F7: variants seen among roughly 807,000 people sequenced by gnomAD.
F7 encodes the protein coagulation factor VII.
F7 carries 38 observed loss-of-function variants against 47.5 expected under a neutral mutation model. The ratio of observed to expected loss-of-function variants is 0.80; its 90% CI spans 0.62 to 1.05. F7 has a LOEUF of 1.05. Ranked by LOEUF, F7 falls within the 50% of genes least tolerant of loss-of-function variation. The probability of loss-of-function intolerance (pLI) is 0.00; values close to 1 mark genes in which losing one functional copy is unlikely to be tolerated. For missense variants in F7, 575 were observed against 605.4 expected (o/e 0.95, Z 0.53); for synonymous variants, 244 against 258.5 (o/e 0.94, Z 0.54).
chr13:113,106,548 G>A lies in F7; in HGVS notation c.64+643G>A, dbSNP rs9549348. Among the ~76,000 whole-genome samples, 112 of 33,220 alleles carry A rather than the reference G, an allele frequency of 3.4e-3. 18 individuals are homozygous for A. Among genetic ancestry groups the A allele is most frequent in the East Asian group, 0.029 (24 of 816 alleles). 21.8% of individuals were successfully genotyped at this position (33,220 alleles called of 152,430 possible). A position where few individuals can be genotyped will look rare whatever the true frequency, so the allele number is the denominator to read the frequency against. ...GAGGTGTGGGGGATGGGGTGTGTGG[G>A]GTGTCGGGGATGGGGCATGTGGGGT... is the stretch of plus-strand genomic sequence containing the variant. On this transcript the variant is annotated intron_variant, in intron 1 of 7. Coordinates refer to ENST00000346342, the MANE Select transcript of F7 (RefSeq NM_019616.4).
chr13:113,110,925 G>C lies in F7; in HGVS notation c.225+75G>C, dbSNP rs2036080588. The C allele has an allele frequency of 4.0e-6, 6 of 1,499,602 alleles. No homozygotes were observed. The East Asian group carries it at 1.6e-4, about 39-fold the overall frequency. 92.9% of individuals were successfully genotyped at this position (1,499,602 alleles called of 1,614,324 possible). On this transcript the variant is annotated intron_variant, in intron 2 of 7. Transcript: ENST00000346342. Reference sequence around the variant, plus strand: ...TGAACCAGGCCGCGTGGGGCCGCCTGCGTCTCTTTGGCTGCGGCTGTGGGC... The same window carrying C: ...TGAACCAGGCCGCGTGGGGCCGCCTCCGTCTCTTTGGCTGCGGCTGTGGGC...
Position 113,119,088 on chromosome 13 carries a change from A to G in F7, c.*80A>G. ...CACCAAATCCCATATATTCTTCTGC[A>G]GTTAATGGGGTAGAGGAGGGCATGG... On this transcript the variant is annotated 3_prime_UTR_variant, in exon 8 of 8. Transcript: ENST00000346342. 1.2e-6 allele frequency: 1 copy of G among 849,018 alleles called. No individual in the cohort carries two copies. Among genetic ancestry groups the G allele is most frequent in the Middle Eastern group, 3.0e-4 (1 of 3,366 alleles). The allele number at this position is 849,018 out of a possible 1,614,324, so 52.6% of individuals were successfully genotyped here. A position where few individuals can be genotyped will look rare whatever the true frequency, so the allele number is the denominator to read the frequency against.
intron 2 of F7, 126 bp downstream of exon 2, chr13:113,110,976 G>A: frequency 1.7e-6 from 2 of 1,148,594 alleles, no homozygotes; most frequent in South Asian, 1.8e-5. Flanking sequence ...GCGCCCGCGC[G>A]GCGCTTTCTG....
chr13:113,112,147 TCACCTCACACCCACAGGA>T (rs1475841871), intron 2 of F7, among the ~76,000 whole-genome samples: 2 of 117,194 alleles, frequency 1.7e-5, no homozygotes, highest in East Asian at 5.6e-4. Context: ...CACTCACAGG[TCACCTCACACCCACAGGA>T]CACCTCACAG....
At chr13:113,118,040 G>A (rs2142231146) in intron 7 of F7, among the ~76,000 whole-genome samples, 1 of 152,352 alleles carries the variant, frequency 6.6e-6, no homozygotes, top group South Asian at 2.1e-4. Context: ...AGGGCCTCAT[G>A]GGACCACCGG....
chr13:113,112,976 A>C (rs2036131845), intron 2 of F7, among the ~76,000 whole-genome samples: 1 of 148,994 alleles, frequency 6.7e-6, no homozygotes, highest in Admixed American at 6.7e-5. Flanking sequence ...CACACTTCAC[A>C]CTCACAGGTC....
Position 113,113,699 on chromosome 13 carries a change from T to G in F7, c.226-53T>G. ...TCATGGTGTGTCCAGTGCTTACCGT[T>G]GGGTGCTCTGGTGAAGGTGCATCTC... is the stretch of plus-strand genomic sequence containing the variant. On this transcript the variant is annotated intron_variant, in intron 2 of 7. Transcript: ENST00000346342. This position sits in a 1 kb window ranked among gnomAD's most constrained non-coding sequence, Gnocchi z 4.1. 1.3e-6 allele frequency: 2 copies of G among 1,562,620 alleles called. No individual in the cohort carries two copies. The highest frequency in any genetic ancestry group is 1.8e-6 in the Non-Finnish European group (2 of 1,133,090).
chr13:113,109,114 TGTGGGTGTCCCGGGGGC>T (rs1225214335), intron 1 of F7, among the ~76,000 whole-genome samples: 14 of 86,014 alleles, frequency 1.6e-4, no homozygotes, highest in African/African-American at 3.4e-4. Flanking sequence ...GTCCCGGGAG[TGTGGGTGTCCCGGGGGC>T]GTGGGTGTCC....
intron 2 of F7, among the ~76,000 whole-genome samples, chr13:113,112,529 C>T (rs1457627766): frequency 6.8e-6 from 1 of 147,144 alleles, no homozygotes; most frequent in Non-Finnish European, 1.5e-5. Flanking sequence ...TCTCACAGGA[C>T]ACCTCCCTCT....
intron 1 of F7, among the ~76,000 whole-genome samples, chr13:113,107,310 C>G (rs376480220): frequency 3.5e-5 from 2 of 57,462 alleles, no homozygotes; most frequent in African/African-American, 8.3e-5. Context: ...GTCCCGGGGG[C>G]GTGGGTGTCC....
chr13:113,110,783 G>A lies in F7; in HGVS notation c.158G>A (p.Arg53Lys). 1 of 1,552,340 alleles carries A rather than the reference G, an allele frequency of 6.4e-7. No homozygotes were observed. Among genetic ancestry groups the A allele is most frequent in the Non-Finnish European group, 8.7e-7 (1 of 1,148,448 alleles). The change falls in exon 2 of 8, where the codon AGG becomes AAG. Residue 53 changes from arginine (R) to lysine (K), a missense_variant. Transcript: ENST00000346342. ...GAGCTGCGGCCGGGCTCCCTGGAGA[G>A]GGAGTGCAAGGAGGAGCAGTGCTCC... ...LEELRPGSLE[R>K]ECKEEQCSFE... is the part of the protein sequence containing the mutation.
Position 113,110,462 on chromosome 13 carries a change from G to T in F7, c.65-228G>T, listed in dbSNP as rs1048738728. ...CGCGTGCCCCCGAGCGCGCCCTCGG[G>T]ATCAGCCCCCGGAAGCAGAGAGGCC... is the stretch of plus-strand genomic sequence containing the variant. On this transcript the variant is annotated intron_variant, in intron 1 of 7. Transcript: ENST00000346342. 7.6e-6 allele frequency: 4 copies of T among 525,256 alleles called. No individual in the cohort carries two copies. In the South Asian group the frequency reaches 7.7e-5, roughly 10 times the overall value. The allele number at this position is 525,256 out of a possible 1,614,324, so 32.5% of individuals were successfully genotyped here. A position where few individuals can be genotyped will look rare whatever the true frequency, so the allele number is the denominator to read the frequency against.
chr13:113,105,814 G>T lies in F7; in HGVS notation c.-28G>T. 6.4e-7 allele frequency: 1 copy of T among 1,573,182 alleles called. No individual in the cohort carries two copies. Among genetic ancestry groups the T allele is most frequent in the Non-Finnish European group, 8.6e-7 (1 of 1,159,110 alleles). ...TCAGTCCCATGGGGAATGTCAACAG[G>T]CAGGGGCAGCACTGCAGAGATTTCA... is the stretch of plus-strand genomic sequence containing the variant. On this transcript the variant is annotated 5_prime_UTR_variant, in exon 1 of 8. Coordinates refer to ENST00000346342, the MANE Select transcript of F7 (RefSeq NM_019616.4).
chr13:113,114,226 C>A (rs780586914), intron 4 of F7, among the ~76,000 whole-genome samples: 3 of 152,188 alleles, frequency 2.0e-5, no homozygotes, highest in Admixed American at 6.5e-5. Context: ...CGAGATGGCC[C>A]AGCTGAGAGT....
chr13:113,112,578 T>A, intron 2 of F7, among the ~76,000 whole-genome samples: 1 of 123,970 alleles, frequency 8.1e-6, no homozygotes, highest in Non-Finnish European at 1.7e-5. Flanking sequence ...CTCACAGAGG[T>A]CACCTCACAC....
rs767539514 is a variant in F7 at position 113,118,617 on chromosome 13, G to A, written c.944G>A (p.Arg315His). The A allele has an allele frequency of 2.8e-5, 45 of 1,612,906 alleles. No individual in the cohort carries two copies. Among genetic ancestry groups the A allele is most frequent in the South Asian group, 3.3e-5 (3 of 91,076 alleles). ...TCTGAGAGGACGCTGGCCTTCGTGC[G>A]CTTCTCATTGGTCAGCGGCTGGGGC... is the stretch of plus-strand genomic sequence containing the variant. ...TFSERTLAFVRFSLVSGWGQL... is the reference protein window; with the variant it reads ...TFSERTLAFVHFSLVSGWGQL... The change falls in exon 8 of 8, where the codon CGC (arginine) becomes CAC (histidine). Residue 315 changes from arginine to histidine, a missense_variant. Arg to His is a conservative substitution (Grantham distance 29). Coordinates refer to ENST00000346342, the MANE Select transcript of F7 (RefSeq NM_019616.4).
intron 1 of F7, 195 bp from the exon 2 acceptor site, chr13:113,110,495 G>A (rs994830609): frequency 1.5e-6 from 1 of 677,814 alleles, no homozygotes; most frequent in Non-Finnish European, 2.4e-6. Context: ...GCCAGGCCGG[G>A]AAGGATGGGC....
At chr13:113,115,417 C>G (rs1385350643) in intron 4 of F7, among the ~76,000 whole-genome samples, 1 of 152,212 alleles carries the variant, frequency 6.6e-6, no homozygotes, top group African/African-American at 2.4e-5. Flanking sequence ...CCCCCAAATG[C>G]AACCGCAGCC....
rs2036267672 is a variant in F7 at position 113,119,653 on chromosome 13, AC to A, written c.*646del. 6.2e-6 allele frequency: 1 copy of A among 160,050 alleles called. No homozygotes were observed. The highest frequency in any genetic ancestry group is 1.4e-5 in the Non-Finnish European group (1 of 73,094). The allele number at this position is 160,050 out of a possible 1,614,324, so 9.9% of individuals were successfully genotyped here. A position where few individuals can be genotyped will look rare whatever the true frequency, so the allele number is the denominator to read the frequency against. On this transcript the variant is annotated 3_prime_UTR_variant, in exon 8 of 8. Transcript: ENST00000346342. ...CGCACACATCAGTGCACACGGATGC[AC>A]AGAGATATGCACACACCGATGTGCG...
Sources: allele counts gnomAD v4.1 joint callset (sites outside exome capture counted in the v4.1 genomes callset), GRCh38; gene constraint gnomAD v4.1.1; non-coding constraint Gnocchi (gnomAD v3.1); transcripts MANE v1.5; gene names NCBI Gene and HGNC (gene_info 2026-07-23, HGNC 2026-07-21).